PARP6: variants seen among roughly 807,000 people sequenced by gnomAD.
PARP6 encodes protein mono-ADP-ribosyltransferase PARP6.
In PARP6, 27 loss-of-function variants were observed where a neutral mutation model predicts 92.0. The observed-to-expected ratio is 0.29, with a 90% CI of 0.22 to 0.40. The LOEUF is 0.40. Among genes scored for constraint, PARP6 ranks in the 10% least tolerant of loss-of-function variants. The probability of loss-of-function intolerance (pLI) is 1.00; values close to 1 mark genes in which losing one functional copy is unlikely to be tolerated. For missense variants in PARP6, 501 were observed against 784.5 expected, an observed-to-expected ratio of 0.64 and a Z score of 4.32; for synonymous variants, 272 against 281.2, an observed-to-expected ratio of 0.97 and a Z score of 0.33.
chr15:72,262,962 C>A (rs1261704360), intron 8 of PARP6, among the ~76,000 whole-genome samples: 1 of 152,228 alleles, frequency 6.6e-6, no homozygotes, highest in African/African-American at 2.4e-5. Context: ...TCTTCCCACA[C>A]ACATTGATGC....
chr15:72,259,749 T>C (rs1275587513), intron 10 of PARP6, 88 bp from the exon 11 acceptor site: 4 of 1,108,842 alleles, frequency 3.6e-6, no homozygotes, highest in African/African-American at 1.6e-5. Context: ...CCTAGGACTC[T>C]CCTAAAGCAG....
At chr15:72,260,825 T>C in intron 9 of PARP6, 137 bp from the exon 10 acceptor site, 2 of 700,928 alleles carry the variant, frequency 2.9e-6, no homozygotes, top group Non-Finnish European at 5.1e-6. Flanking sequence ...AAAGTTGCAT[T>C]GTATCTTAAA....
chr15:72,260,264 C>G (rs2085686213), intron 10 of PARP6, among the ~76,000 whole-genome samples: 1 of 152,148 alleles, frequency 6.6e-6, no homozygotes, highest in African/African-American at 2.4e-5. Context: ...CTGCAATGAG[C>G]AGAGATCGCC....
chr15:72,246,882 G>A (rs1046773789), intron 20 of PARP6, among the ~76,000 whole-genome samples: 10 of 151,628 alleles, frequency 6.6e-5, no homozygotes, highest in African/African-American at 2.4e-4. Flanking sequence ...AGCCTCCTGA[G>A]TATCTAGGAT....
intron 20 of PARP6, 197 bp downstream of exon 20, chr15:72,249,048 T>C: frequency 2.4e-6 from 1 of 414,322 alleles, no homozygotes; most frequent in Non-Finnish European, 4.4e-6. Flanking sequence ...TTTTTAACAA[T>C]AACTGGCCTC....
At chr15:72,260,822 C>A (rs1248949600) in intron 9 of PARP6, 134 bp from the exon 10 acceptor site, 9 of 704,964 alleles carry the variant, frequency 1.3e-5, no homozygotes, top group Non-Finnish European at 2.0e-5. Flanking sequence ...AGGAAAGTTG[C>A]ATTGTATCTT....
intron 13 of PARP6, 84 bp from the exon 14 acceptor site, chr15:72,256,674 T>C: frequency 2.5e-6 from 3 of 1,202,466 alleles, no homozygotes; most frequent in Non-Finnish European, 3.3e-6. Flanking sequence ...TTCTCTCTGA[T>C]GTTCTTTTAA....
At chr15:72,249,072 T>G in intron 20 of PARP6, 173 bp downstream of exon 20, 1 of 422,904 alleles carries the variant, frequency 2.4e-6, no homozygotes, top group Non-Finnish European at 4.3e-6. Context: ...TTGTAAAGAA[T>G]CTAAATTTCT....
chr15:72,258,521 C>T (rs1431694218), intron 11 of PARP6, among the ~76,000 whole-genome samples: 1 of 152,152 alleles, frequency 6.6e-6, no homozygotes, highest in African/African-American at 2.4e-5. Context: ...AAAATGGATG[C>T]TAATCAAACT....
intron 8 of PARP6, among the ~76,000 whole-genome samples, chr15:72,264,280 A>G (rs771203885): frequency 5.9e-5 from 9 of 152,218 alleles, no homozygotes; most frequent in Non-Finnish European, 1.2e-4. Context: ...TATGAATAGC[A>G]TGACTCTGAT....
At chr15:72,270,448 T>C (rs2087245327) in intron 2 of PARP6, among the ~76,000 whole-genome samples, 1 of 152,214 alleles carries the variant, frequency 6.6e-6, no homozygotes, top group African/African-American at 2.4e-5. Flanking sequence ...GCTACTCTAA[T>C]GGGCTGTCCT....
chr15:72,241,311 A>G lies in PARP6; in HGVS notation c.*144T>C, dbSNP rs573228924. The stretch of plus-strand genomic sequence containing the variant: ...GTTCTTGGGTCAAGCTCTACCATGA[A>G]GGCCACCTCTTACATATCCTTTTCC... On this transcript the variant is annotated 3_prime_UTR_variant, in exon 24 of 24. Coordinates refer to ENST00000569795, the MANE Select transcript of PARP6 (RefSeq NM_001323532.2). The surrounding 1 kb of genome is among the most constrained non-coding windows in gnomAD (Gnocchi z 4.1). The G allele has an allele frequency of 1.4e-6, 1 of 711,862 alleles. No individual in the cohort carries two copies. The highest frequency in any genetic ancestry group is 1.5e-5 in the South Asian group (1 of 66,964). 44.1% of individuals were successfully genotyped at this position (711,862 alleles called of 1,614,324 possible).
At position 72,267,545 on chromosome 15, in the gene PARP6, C is replaced by A; in HGVS notation, c.-68G>T. On this transcript the variant is annotated 5_prime_UTR_variant, in exon 3 of 24. Coordinates refer to ENST00000569795, the MANE Select transcript of PARP6 (RefSeq NM_001323532.2). The stretch of plus-strand genomic sequence containing the variant: ...GCACCCCTCCATACCACTAGCCGAA[C>A]CAAGGCCAACGAGATGGGCATTTAG... The A allele has an allele frequency of 6.3e-7, 1 of 1,576,100 alleles. No individual in the cohort carries two copies. Among genetic ancestry groups the A allele is most frequent in the Non-Finnish European group, 8.7e-7 (1 of 1,145,798 alleles).
chr15:72,271,482 G>C (rs1331116630), intron 1 of PARP6, among the ~76,000 whole-genome samples, 195 bp from the exon 2 acceptor site: 1 of 152,178 alleles, frequency 6.6e-6, no homozygotes, highest in Non-Finnish European at 1.5e-5. Flanking sequence ...AAGGTGGTGG[G>C]TTATGGAATT....
chr15:72,261,569 T>G lies in PARP6; in HGVS notation c.534A>C (p.Ser178=), dbSNP rs1310019898. 6.2e-7 allele frequency: 1 copy of G among 1,613,822 alleles called. No individual in the cohort carries two copies. The highest frequency in any genetic ancestry group is 1.7e-5 in the Admixed American group (1 of 59,972). Residue 178 remains serine, a synonymous_variant, in exon 9 of 24, where the codon TCA becomes TCC. Transcript: ENST00000569795. ...TAGGGAGCACTTACTTGGGGATGGGTGAAAAGATGCTGAGGCCAGCTCGGA... is the reference window on the plus strand; with the variant it reads ...TAGGGAGCACTTACTTGGGGATGGGGGAAAAGATGCTGAGGCCAGCTCGGA... ...KKFRAGLSIF[S]PIPKSPSFPI...
chr15:72,251,032 G>GA (rs1596982368), intron 17 of PARP6, 78 bp from the exon 18 acceptor site: 9 of 1,146,116 alleles, frequency 7.9e-6, no homozygotes, highest in Admixed American at 5.9e-5. Context: ...GGGGATAGGG[G>GA]AAAAAATCAG....
Position 72,261,591 on chromosome 15 carries a change from C to T in PARP6, c.512G>A (p.Arg171Gln), listed in dbSNP as rs773402840. 5.0e-6 allele frequency: 8 copies of T among 1,614,148 alleles called. No individual in the cohort carries two copies. The highest frequency in any genetic ancestry group is 2.7e-5 in the African/African-American group (2 of 75,046). Residue 171 changes from arginine to glutamine, a missense_variant, in exon 9 of 24, where the codon CGA (arginine) becomes CAA (glutamine). By Grantham distance (43) the Arg-to-Gln change is conservative. Coordinates refer to ENST00000569795, the MANE Select transcript of PARP6 (RefSeq NM_001323532.2). ...GGGTGAAAAGATGCTGAGGCCAGCT[C>T]GGAACTTCTTGATGGTACCACTTGC... Reference protein sequence around the residue: ...FKASGTIKKFRAGLSIFSPIP... With the variant: ...FKASGTIKKFQAGLSIFSPIP...
intron 4 of PARP6, among the ~76,000 whole-genome samples, 194 bp from the exon 5 acceptor site, chr15:72,266,185 T>G (rs537832773): frequency 6.6e-6 from 1 of 152,262 alleles, no homozygotes; most frequent in South Asian, 2.1e-4. Context: ...GAGGTCTCCA[T>G]CTCATCATGA....
At chr15:72,264,004 G>A (rs187852754) in intron 8 of PARP6, among the ~76,000 whole-genome samples, 10 of 147,614 alleles carry the variant, frequency 6.8e-5, no homozygotes, top group African/African-American at 2.3e-4. Flanking sequence ...GCCTGGGTGA[G>A]AGCAAGACTC....
Sources: gnomAD v4.1 joint callset for allele counts (sites outside exome capture counted in the v4.1 genomes callset) on GRCh38, gnomAD v4.1.1 for gene constraint, Gnocchi (gnomAD v3.1) non-coding constraint, MANE v1.5 for transcripts, NCBI Gene and HGNC (gene_info 2026-07-23, HGNC 2026-07-21) for gene names.